DLG2: variants seen among roughly 807,000 people sequenced by gnomAD.
DLG2 encodes discs large MAGUK scaffold protein 2.
A neutral mutation model predicts 132.5 loss-of-function variants in DLG2; 45 were observed. That is an observed-to-expected ratio of 0.34 (90% CI 0.27 to 0.44). DLG2 has a LOEUF of 0.44. Ranked by LOEUF, DLG2 falls within the 20% of genes least tolerant of loss-of-function variation. The pLI, the probability that DLG2 is intolerant of heterozygous loss-of-function variation, is 1.00. For synonymous variants in DLG2, 424 were observed against 419.6 expected (o/e 1.01, Z -0.13); for missense variants, 1,045 against 1,196.9 (o/e 0.87, Z 1.87).
intron 21 of DLG2, among the ~76,000 whole-genome samples, chr11:83,503,656 T>C (rs1179301674): frequency 1.3e-5 from 2 of 151,806 alleles, no homozygotes; most frequent in African/African-American, 2.4e-5. Context: ...TTTTCACATT[T>C]TTCTGTCTGC....
At chr11:83,796,397 C>A (rs2042839270) in intron 17 of DLG2, among the ~76,000 whole-genome samples, 1 of 152,186 alleles carries the variant, frequency 6.6e-6, no homozygotes, top group African/African-American at 2.4e-5. Flanking sequence ...AAAACAATAT[C>A]ATTTCTTCTT....
chr11:84,985,148 A>G (rs1201140174), intron 6 of DLG2, among the ~76,000 whole-genome samples: 2 of 152,204 alleles, frequency 1.3e-5, no homozygotes, highest in African/African-American at 2.4e-5. Flanking sequence ...TTTACAGAAC[A>G]TTTTACCCAA....
At chr11:83,469,885 A>ACCATAAAATTCAGACTC (rs1486755150) in intron 24 of DLG2, among the ~76,000 whole-genome samples, 1 of 152,210 alleles carries the variant, frequency 6.6e-6, no homozygotes, top group Non-Finnish European at 1.5e-5. Flanking sequence ...TCTATAAAGG[A>ACCATAAAATTCAGACTC]CCATAAAATT....
At chr11:84,662,069 T>C (rs934718749) in intron 6 of DLG2, among the ~76,000 whole-genome samples, 2 of 152,112 alleles carry the variant, frequency 1.3e-5, no homozygotes, top group Non-Finnish European at 2.9e-5. Context: ...TGGAAACACA[T>C]GTGACATGAT....
At chr11:85,322,155 C>A (rs1035611070) in intron 3 of DLG2, among the ~76,000 whole-genome samples, 6 of 152,068 alleles carry the variant, frequency 3.9e-5, no homozygotes, top group Admixed American at 2.6e-4. Flanking sequence ...GTCACCATAT[C>A]CTTTTCTCAC....
intron 27 of DLG2, chr11:83,461,467 AAAG>A (rs1757274176): frequency 6.6e-6 from 1 of 152,404 alleles, no homozygotes; most frequent in African/African-American, 2.4e-5. Context: ...AAACATTTAA[AAAG>A]AAAAAAAAAG....
chr11:85,300,694 T>C (rs1018994952), intron 3 of DLG2, among the ~76,000 whole-genome samples: 1 of 152,160 alleles, frequency 6.6e-6, no homozygotes, highest in Non-Finnish European at 1.5e-5. Context: ...ATAGTGTCAG[T>C]GAATATCAGG....
chr11:85,416,880 A>G (rs1288682426), intron 3 of DLG2, among the ~76,000 whole-genome samples: 2 of 152,194 alleles, frequency 1.3e-5, no homozygotes, highest in African/African-American at 2.4e-5. Flanking sequence ...CAATAATGTC[A>G]TCTGCAAACA....
rs1565196165 is a variant in DLG2 at position 83,819,496 on chromosome 11, GAAAAGAAAAAGAAAAGAAA to G, written c.1722+14099_1722+14117del. Among the ~76,000 whole-genome samples, 8 of 94,614 alleles carry G rather than the reference GAAAAGAAAAAGAAAAGAAA, an allele frequency of 8.5e-5. 1 individual carries two copies. The highest frequency in any genetic ancestry group is 3.9e-4 in the African/African-American group (8 of 20,298). The allele number at this position is 94,614 out of a possible 152,430, so 62.1% of individuals were successfully genotyped here. A position where few individuals can be genotyped will look rare whatever the true frequency, so the allele number is the denominator to read the frequency against. On this transcript the variant is annotated intron_variant, in intron 17 of 27. Coordinates refer to ENST00000376104, the MANE Select transcript of DLG2 (RefSeq NM_001142699.3). Reference sequence around the variant, plus strand: ...AAAAAAAAAAAAAAAAAAAAAAGAAGAAAAGAAAAAGAAAAGAAAAAGAAAAGAAAAATATAGTCTTCAT... The same window carrying G: ...AAAAAAAAAAAAAAAAAAAAAAGAAGAAGAAAAGAAAAATATAGTCTTCAT...
At chr11:85,061,978 T>A (rs904175053) in intron 6 of DLG2, among the ~76,000 whole-genome samples, 44 of 151,942 alleles carry the variant, frequency 2.9e-4, no homozygotes, top group African/African-American at 9.4e-4. Flanking sequence ...TACACTCGCA[T>A]GGCTCAGTTG....
intron 6 of DLG2, among the ~76,000 whole-genome samples, chr11:85,059,183 T>C (rs1438373419): frequency 1.3e-5 from 2 of 150,832 alleles, no homozygotes; most frequent in African/African-American, 2.4e-5. Flanking sequence ...GACCGATAAA[T>C]ATATAGAAAG....
chr11:83,709,327 A>G (rs2084839220), intron 18 of DLG2, among the ~76,000 whole-genome samples: 1 of 148,172 alleles, frequency 6.7e-6, no homozygotes, highest in Non-Finnish European at 1.5e-5. Context: ...AAAGTTATAT[A>G]TATTATATAT....
chr11:84,991,437 AG>A (rs1456885120), intron 6 of DLG2, among the ~76,000 whole-genome samples: 1 of 149,368 alleles, frequency 6.7e-6, no homozygotes, highest in Non-Finnish European at 1.5e-5. Context: ...TTACCCCAGA[AG>A]GAGGAGGTTG....
At position 83,705,059 on chromosome 11, in the gene DLG2, G is replaced by A. The variant is rs572499361; in HGVS notation, c.1826-71734C>T. Among the ~76,000 whole-genome samples, 20 of 152,180 alleles carry A rather than the reference G, an allele frequency of 1.3e-4. 1 individual carries two copies. Among genetic ancestry groups the A allele is most frequent in the South Asian group, 1.0e-3 (5 of 4,822 alleles). On this transcript the variant is annotated intron_variant, in intron 18 of 27. Coordinates refer to ENST00000376104, the MANE Select transcript of DLG2 (RefSeq NM_001142699.3). Reference sequence around the variant, plus strand: ...TGAAATTATAAAAATAAATAAATGCGTTAATTAATTTAATTAAAAAATAAA... The same window carrying A: ...TGAAATTATAAAAATAAATAAATGCATTAATTAATTTAATTAAAAAATAAA...
At chr11:83,733,234 C>A (rs115893982) in intron 18 of DLG2, among the ~76,000 whole-genome samples, 3,139 of 119,646 alleles carry the variant, frequency 0.026, 142 homozygotes, top group African/African-American at 0.1. Context: ...GAGGGAGACC[C>A]CATCTCAAAA....
chr11:84,582,834 A>T (rs1431944769), intron 6 of DLG2, among the ~76,000 whole-genome samples: 1 of 152,188 alleles, frequency 6.6e-6, no homozygotes, highest in East Asian at 1.9e-4. Context: ...AGAATGGCAG[A>T]AAGTGGGATT....
chr11:83,798,826 G>GA (rs2043540451), intron 17 of DLG2, among the ~76,000 whole-genome samples: 1 of 151,936 alleles, frequency 6.6e-6, no homozygotes, highest in Non-Finnish European at 1.5e-5. Flanking sequence ...TTTCAAGAGG[G>GA]AAAAAAATCT....
intron 7 of DLG2, among the ~76,000 whole-genome samples, chr11:84,253,167 TCATTAAAAAAAAATAATAAGAGG>T (rs1248101835): frequency 1.3e-5 from 2 of 152,110 alleles, no homozygotes; most frequent in East Asian, 3.9e-4. Flanking sequence ...TTACTGGATC[TCATTAAAAAAAAATAATAAGAGG>T]CATGTAGAGA....
intron 7 of DLG2, among the ~76,000 whole-genome samples, chr11:84,441,345 G>T (rs1047879016): frequency 6.6e-6 from 1 of 151,936 alleles, no homozygotes; most frequent in Non-Finnish European, 1.5e-5. Flanking sequence ...TAGAGATGAG[G>T]TCTTGCTATA....
Sources: allele counts gnomAD v4.1 joint callset (sites outside exome capture counted in the v4.1 genomes callset), GRCh38; gene constraint gnomAD v4.1.1; transcripts MANE v1.5; gene names NCBI Gene and HGNC (gene_info 2026-07-23, HGNC 2026-07-21).